The following RUNX1 variants were observed in gnomAD, a reference collection of about 807,000 sequenced individuals.
The protein encoded by RUNX1 is RUNX family transcription factor 1, also known as runt-related transcription factor 1.
A neutral mutation model predicts 42.8 loss-of-function variants in RUNX1; 19 were observed. The ratio of observed to expected loss-of-function variants is 0.44; its 90% confidence interval spans 0.31 to 0.65. The LOEUF is 0.65. Among genes scored for constraint, RUNX1 ranks in the 30% least tolerant of loss-of-function variants. The pLI, the probability that RUNX1 is intolerant of heterozygous loss-of-function variation, is 0.07. For synonymous variants in RUNX1, 271 were observed against 289.4 expected (o/e 0.94, Z 0.64); for missense variants, 528 against 672.0 (o/e 0.79, Z 2.37).
intron 2 of RUNX1, among the ~76,000 whole-genome samples, chr21:35,017,802 C>G (rs1013324309): frequency 6.6e-6 from 1 of 152,060 alleles, no homozygotes; most frequent in African/African-American, 2.4e-5. Flanking sequence ...AGGGCATTCA[C>G]CCGGGTGCAA....
intron 2 of RUNX1, among the ~76,000 whole-genome samples, chr21:35,017,418 A>C (rs1388483368): frequency 6.6e-6 from 1 of 152,188 alleles, no homozygotes; most frequent in East Asian, 1.9e-4. Context: ...ATCAATTTGC[A>C]GATGTCAGAA....
chr21:34,937,967 C>G (rs1043581423), intron 2 of RUNX1, among the ~76,000 whole-genome samples: 2 of 152,182 alleles, frequency 1.3e-5, no homozygotes, highest in Non-Finnish European at 2.9e-5. Flanking sequence ...TTTTCCCCAA[C>G]ATGCCAAATC....
chr21:34,870,202 T>C (rs2057717630), intron 5 of RUNX1, among the ~76,000 whole-genome samples: 4 of 152,204 alleles, frequency 2.6e-5, no homozygotes, highest in Admixed American at 2.6e-4. Context: ...GTTGTTGCTG[T>C]TTGCTGTTGT....
chr21:34,889,550 A>G (rs2058051541), intron 3 of RUNX1: 7 of 548,834 alleles, frequency 1.3e-5, no homozygotes, highest in Non-Finnish European at 1.7e-5. Context: ...CGGGCCTTGT[A>G]GCGCCGGCAC....
At chr21:34,975,328 GA>G (rs1824166395) in intron 2 of RUNX1, among the ~76,000 whole-genome samples, 1 of 152,208 alleles carries the variant, frequency 6.6e-6, no homozygotes, top group Non-Finnish European at 1.5e-5. Context: ...TCTACGTATA[GA>G]TCTGTATATA....
At chr21:34,897,301 T>C (rs991879361) in intron 2 of RUNX1, among the ~76,000 whole-genome samples, 10 of 152,186 alleles carry the variant, frequency 6.6e-5, no homozygotes, top group Non-Finnish European at 1.0e-4. Flanking sequence ...CTTACAAAGA[T>C]CTCTGAAAAA....
At chr21:34,818,120 G>A (rs2056855433) in intron 7 of RUNX1, among the ~76,000 whole-genome samples, 1 of 152,206 alleles carries the variant, frequency 6.6e-6, no homozygotes. Context: ...TCACTGACAG[G>A]CGCCCTCAGT....
intron 2 of RUNX1, among the ~76,000 whole-genome samples, chr21:34,931,163 G>T (rs2058441530): frequency 6.6e-6 from 1 of 151,950 alleles, no homozygotes. Flanking sequence ...TTTGACTTGG[G>T]TTGTGCTAAT....
At chr21:34,930,257 CGT>C (rs1035351078) in intron 2 of RUNX1, among the ~76,000 whole-genome samples, 10 of 85,038 alleles carry the variant, frequency 1.2e-4, no homozygotes, top group African/African-American at 4.9e-4. Context: ...GTATATTATA[CGT>C]GTGTGTGTAT....
At chr21:34,954,290 G>A (rs774899473) in intron 2 of RUNX1, among the ~76,000 whole-genome samples, 2 of 152,196 alleles carry the variant, frequency 1.3e-5, no homozygotes, top group African/African-American at 2.4e-5. Flanking sequence ...TTTGACTGAA[G>A]TGGGAGGAGA....
intron 2 of RUNX1, among the ~76,000 whole-genome samples, chr21:34,965,693 G>T (rs1165521696): frequency 6.6e-6 from 1 of 152,012 alleles, no homozygotes; most frequent in Non-Finnish European, 1.5e-5. Context: ...CCAGTTATGG[G>T]ACTCTCGAGA....
chr21:34,900,154 T>C (rs1043427582), intron 2 of RUNX1, among the ~76,000 whole-genome samples: 1 of 152,240 alleles, frequency 6.6e-6, no homozygotes, highest in Non-Finnish European at 1.5e-5. Context: ...ATTGAAAACA[T>C]TGTCATTTGA....
chr21:35,011,718 A>T (rs1179593493), intron 2 of RUNX1, among the ~76,000 whole-genome samples: 4 of 152,206 alleles, frequency 2.6e-5, no homozygotes, highest in Non-Finnish European at 5.9e-5. Flanking sequence ...AGCATTTATC[A>T]TCATGAAACA....
intron 2 of RUNX1, among the ~76,000 whole-genome samples, chr21:34,908,085 T>C (rs2058239310): frequency 6.6e-6 from 1 of 152,212 alleles, no homozygotes; most frequent in Non-Finnish European, 1.5e-5. Context: ...TATGAAATTG[T>C]ATTTACAGAA....
At chr21:34,885,995 A>G (rs140048032) in intron 4 of RUNX1, among the ~76,000 whole-genome samples, 17 of 152,360 alleles carry the variant, frequency 1.1e-4, no homozygotes, top group African/African-American at 3.8e-4. Context: ...TTTTAAAGGC[A>G]GCTCAAAGCT....
At chr21:34,968,930 G>A (rs377213940) in intron 2 of RUNX1, among the ~76,000 whole-genome samples, 56 of 152,130 alleles carry the variant, frequency 3.7e-4, no homozygotes, top group African/African-American at 9.6e-4. Context: ...TAACCCCGCC[G>A]GCAATTCTGC....
chr21:34,964,999 C>T (rs971380273), intron 2 of RUNX1, among the ~76,000 whole-genome samples: 2 of 126,694 alleles, frequency 1.6e-5, no homozygotes, highest in Middle Eastern at 4.0e-3. Context: ...AGCACACTCA[C>T]ATACGTGCAC....
rs11909143 is a variant in RUNX1, at chr21:34,956,945, A to G, written c.59-63982T>C. Among the ~76,000 whole-genome samples, 1,473 of 152,318 alleles carry G rather than the reference A, an allele frequency of 9.7e-3. 25 individuals carry two copies. The highest frequency in any genetic ancestry group is 0.029 in the African/African-American group (1,212 of 41,562). On this transcript the variant is annotated intron_variant, in intron 2 of 8. Coordinates refer to ENST00000675419, the MANE Select transcript of RUNX1 (RefSeq NM_001754.5). ...GGCTTGCTGCAAAGAATGAGCTTAAAAATAACCTGATGATTTCCACGTGGC... is the reference window on the plus strand; with the variant it reads ...GGCTTGCTGCAAAGAATGAGCTTAAGAATAACCTGATGATTTCCACGTGGC...
At chr21:35,034,008 G>C (rs2059290021) in intron 2 of RUNX1, among the ~76,000 whole-genome samples, 1 of 152,152 alleles carries the variant, frequency 6.6e-6, no homozygotes, top group Non-Finnish European at 1.5e-5. Context: ...CTTATTTTAA[G>C]TTTATTTCAC....
Sources: allele counts gnomAD v4.1 joint callset (sites outside exome capture counted in the v4.1 genomes callset), GRCh38; gene constraint gnomAD v4.1.1; transcripts MANE v1.5; gene names NCBI Gene and HGNC (gene_info 2026-07-23, HGNC 2026-07-21).